The following MAP2 variants were observed in gnomAD, a reference collection of about 807,000 sequenced individuals.
The protein encoded by MAP2 is microtubule associated protein 2.
In MAP2, 14 loss-of-function variants were observed where a neutral mutation model predicts 137.6. The observed-to-expected ratio is 0.10, with a 90% CI of 0.07 to 0.16. The LOEUF (loss-of-function observed/expected upper bound fraction) is 0.16. Among genes scored for constraint, MAP2 ranks in the 10% least tolerant of loss-of-function variants. The pLI, the probability that MAP2 is intolerant of heterozygous loss-of-function variation, is 1.00. For missense variants in MAP2, 2,088 were observed against 2,191.5 expected, an observed-to-expected ratio of 0.95 and a Z score of 0.94; for synonymous variants, 786 against 782.3, an observed-to-expected ratio of 1.00 and a Z score of -0.08.
At chr2:209,633,486 G>T (rs2093290622) in intron 4 of MAP2, among the ~76,000 whole-genome samples, 1 of 152,048 alleles carries the variant, frequency 6.6e-6, no homozygotes, top group Non-Finnish European at 1.5e-5. Context: ...TTAATAAATT[G>T]TTGTTAATAG....
At position 209,625,148 on chromosome 2, in the gene MAP2, TGAAA is replaced by T. The variant is rs1372049898; in HGVS notation, c.-30+22_-30+25del. 2 of 152,234 alleles carry T rather than the reference TGAAA, an allele frequency of 1.3e-5. No individual in the cohort carries two copies. The highest frequency in any genetic ancestry group is 2.4e-5 in the African/African-American group (1 of 41,464). 9.4% of individuals were successfully genotyped at this position (152,234 alleles called of 1,614,324 possible). A position where few individuals can be genotyped will look rare whatever the true frequency, so the allele number is the denominator to read the frequency against. On this transcript the variant is annotated intron_variant, in intron 4 of 15. Coordinates refer to ENST00000682079, the MANE Select transcript of MAP2 (RefSeq NM_001375505.1). ...TGAATAGGTAAGACTCTCTCTACTCTGAAAGAGTTACCTACAAGTGTGAAAAATA... is the reference window on the plus strand; with the variant it reads ...TGAATAGGTAAGACTCTCTCTACTCTGAGTTACCTACAAGTGTGAAAAATA...
At chr2:209,653,581 A>T in intron 5 of MAP2, 149 bp downstream of exon 5, 1 of 730,766 alleles carries the variant, frequency 1.4e-6, no homozygotes, top group Non-Finnish European at 2.0e-6. Context: ...AGAAGAGAAA[A>T]ATCATGGCAA....
chr2:209,601,959 A>G (rs1356981481), intron 3 of MAP2, among the ~76,000 whole-genome samples: 1 of 152,068 alleles, frequency 6.6e-6, no homozygotes, highest in Non-Finnish European at 1.5e-5. Context: ...ATATGCATGA[A>G]CTCTTCCAAG....
chr2:209,704,166 C>CCTTTT (rs1683874687), intron 11 of MAP2: 1 of 397,568 alleles, frequency 2.5e-6, no homozygotes, highest in Admixed American at 3.3e-5. Context: ...TCTTTATGTC[C>CCTTTT]GTGTGTACCC....
At chr2:209,544,467 A>G (rs1489087157) in intron 2 of MAP2, among the ~76,000 whole-genome samples, 1 of 152,148 alleles carries the variant, frequency 6.6e-6, no homozygotes, top group African/African-American at 2.4e-5. Flanking sequence ...GGGCTTTAAA[A>G]TGATGTTATT....
chr2:209,548,617 T>G (rs1203723923), intron 2 of MAP2, among the ~76,000 whole-genome samples: 1 of 152,164 alleles, frequency 6.6e-6, no homozygotes, highest in Non-Finnish European at 1.5e-5. Context: ...TTTGGCTGTG[T>G]CCCTACCCAA....
At chr2:209,591,198 A>G (rs2079139750) in intron 3 of MAP2, among the ~76,000 whole-genome samples, 1 of 152,194 alleles carries the variant, frequency 6.6e-6, no homozygotes, top group African/African-American at 2.4e-5. Flanking sequence ...GTCTGGCCCA[A>G]AGCCAAGGCT....
At chr2:209,506,882 C>T (rs1445759906) in intron 1 of MAP2, among the ~76,000 whole-genome samples, 7 of 152,134 alleles carry the variant, frequency 4.6e-5, no homozygotes, top group Non-Finnish European at 8.8e-5. Context: ...ACTGTTCTAA[C>T]AAACATAAAA....
In MAP2 at chr2:209,584,630, C is replaced by T. The variant is rs192099826; in HGVS notation, c.-107+4530C>T. Among the ~76,000 whole-genome samples, 5 of 152,144 alleles carry T rather than the reference C, an allele frequency of 3.3e-5. No homozygotes were observed. The East Asian group carries it at 9.7e-4, about 29-fold the overall frequency. On this transcript the variant is annotated intron_variant, in intron 3 of 15. Coordinates refer to ENST00000682079, the MANE Select transcript of MAP2 (RefSeq NM_001375505.1). ...TTTTCAGATTATTTGTTTTATAGCT[C>T]TGTGTGAGATAAATCAGAACTGTGT...
intron 3 of MAP2, among the ~76,000 whole-genome samples, chr2:209,623,230 T>C (rs1258588239): frequency 2.6e-5 from 4 of 152,164 alleles, no homozygotes; most frequent in African/African-American, 9.6e-5. Flanking sequence ...AAAGCAGCCA[T>C]ATACAACGTG....
rs149715158 is a variant in MAP2, at chr2:209,461,573, A to G, written c.-222+37297A>G. ...CAGGTTCAAGCTATTCTCCTGCCTC[A>G]GCCTCCTGAGTAGCTGGGAGCATGT... On this transcript the variant is annotated intron_variant, in intron 1 of 15. Coordinates refer to ENST00000682079, the MANE Select transcript of MAP2 (RefSeq NM_001375505.1). Among the ~76,000 whole-genome samples the G allele has an allele frequency of 1.6e-4, 24 of 152,108 alleles. 2 individuals carry two copies. In the East Asian group the frequency reaches 4.6e-3, roughly 29 times the overall value.
intron 4 of MAP2, among the ~76,000 whole-genome samples, chr2:209,647,583 C>T (rs151267424): frequency 6.6e-5 from 10 of 152,216 alleles, no homozygotes; most frequent in Admixed American, 3.9e-4. Flanking sequence ...TGTTAGAAAT[C>T]TGATCAATAC....
rs1170537641 is a variant in MAP2, at chr2:209,692,942, A to G, written c.772A>G (p.Thr258Ala). The G allele has an allele frequency of 6.2e-7, 1 of 1,614,032 alleles. No individual in the cohort carries two copies. The highest frequency in any genetic ancestry group is 2.2e-5 in the East Asian group (1 of 44,880). ...CATTGACCTCCCTAAAGAGCCTCCA[A>G]CTCCAAAAGAACAAAAGGACTGGTT... ...PGIDLPKEPP[T>A]PKEQKDWFIE... The change falls in exon 8 of 16, where the codon ACT becomes GCT. Residue 258 changes from threonine to alanine, a missense_variant. By Grantham distance (58) the Thr-to-Ala change is moderately conservative. This residue lies in a region of MAP2 where 859 missense variants were observed against 794.5 expected (regional missense o/e 1.08). Transcript: ENST00000682079.
intron 3 of MAP2, among the ~76,000 whole-genome samples, chr2:209,586,469 G>T (rs772186519): frequency 1.3e-5 from 2 of 152,068 alleles, no homozygotes; most frequent in East Asian, 1.9e-4. Flanking sequence ...TGGACTGAAG[G>T]ATATTCATTC....
rs556533872 is a variant in MAP2 at position 209,618,554 on chromosome 2, G to C, written c.-106-6499G>C. ...TTTTTCTCCTACCACATGAACCTGG[G>C]TACCTGCATTAATTTATTCTACCAT... On this transcript the variant is annotated intron_variant, in intron 3 of 15. Coordinates refer to ENST00000682079, the MANE Select transcript of MAP2 (RefSeq NM_001375505.1). 2.6e-5 allele frequency among the ~76,000 whole-genome samples: 4 copies of C among 152,120 alleles called. No individual in the cohort carries two copies. The East Asian group carries it at 7.7e-4, about 29-fold the overall frequency.
intron 3 of MAP2, among the ~76,000 whole-genome samples, chr2:209,615,212 C>T (rs554546604): frequency 3.9e-5 from 6 of 152,242 alleles, no homozygotes; most frequent in South Asian, 2.1e-4. Flanking sequence ...TGTGTTCAGC[C>T]GAATGCCTCT....
intron 5 of MAP2, among the ~76,000 whole-genome samples, chr2:209,677,326 A>G (rs1295913932): frequency 6.6e-6 from 1 of 151,976 alleles, no homozygotes; most frequent in Non-Finnish European, 1.5e-5. Flanking sequence ...AATATCTAAC[A>G]TGGTCTATGA....
chr2:209,434,903 T>C (rs1286692153), intron 1 of MAP2, among the ~76,000 whole-genome samples: 10 of 140,848 alleles, frequency 7.1e-5, no homozygotes, highest in African/African-American at 2.7e-4. Context: ...ATGTTATATA[T>C]ATATGTTATA....
intron 1 of MAP2, among the ~76,000 whole-genome samples, chr2:209,475,377 A>G (rs1706953332): frequency 1.3e-5 from 2 of 152,190 alleles, no homozygotes; most frequent in East Asian, 1.9e-4. Context: ...TGAAAGGCCA[A>G]ATACTCCCTT....
Sources: gnomAD v4.1 joint callset for allele counts (sites outside exome capture counted in the v4.1 genomes callset) on GRCh38, gnomAD v4.1.1 for gene constraint, gnomAD v4.1.1 regional missense constraint, MANE v1.5 for transcripts, NCBI Gene and HGNC (gene_info 2026-07-23, HGNC 2026-07-21) for gene names.